Variants in L3HYPDH observed in about 807,000 individuals in gnomAD.
L3HYPDH encodes the protein trans-3-hydroxy-L-proline dehydratase.
L3HYPDH carries 32 observed loss-of-function variants against 26.5 expected under a neutral mutation model. The observed-to-expected ratio is 1.21, with a 90% confidence interval of 0.91 to 1.62. L3HYPDH has a LOEUF of 1.62. Ranked by LOEUF, L3HYPDH falls within the 40% of genes most tolerant of loss-of-function variation. The pLI, the probability that L3HYPDH is intolerant of heterozygous loss-of-function variation, is 0.00. For synonymous variants in L3HYPDH, 215 were observed against 196.6 expected, an observed-to-expected ratio of 1.09 and a Z score of -0.78; for missense variants, 554 against 476.4, an observed-to-expected ratio of 1.16 and a Z score of -1.52.
upstream of L3HYPDH, chr14:59,487,609 T>C (rs1259898261): frequency 8.2e-7 from 1 of 1,215,364 alleles, no homozygotes; most frequent in Non-Finnish European, 1.2e-6. Context: ...TATAGAATGA[T>C]TTGGGGGGGT....
At chr14:59,485,277 T>C (rs1035721430), upstream of L3HYPDH, among the ~76,000 whole-genome samples, 1 of 152,200 alleles carries the variant, frequency 6.6e-6, no homozygotes, top group Non-Finnish European at 1.5e-5. Flanking sequence ...TCTGCATTCT[T>C]GAAAAACCTG....
At chr14:59,473,585 A>C (rs113169469) in intron 4 of L3HYPDH, among the ~76,000 whole-genome samples, 3 of 152,342 alleles carry the variant, frequency 2.0e-5, no homozygotes, top group African/African-American at 7.2e-5. Context: ...GAAGAAAGGA[A>C]GAACTTTTTA....
chr14:59,471,498 T>C (rs1889311453), downstream of L3HYPDH, among the ~76,000 whole-genome samples: 2 of 151,832 alleles, frequency 1.3e-5, no homozygotes, highest in South Asian at 4.2e-4. Context: ...CCTGGTGGAG[T>C]TGATAAAGGG....
At chr14:59,490,796 A>C in the L3HYPDH span, among the ~76,000 whole-genome samples, 22 of 152,326 alleles carry the variant, frequency 1.4e-4, no homozygotes, top group African/African-American at 5.1e-4. Context: ...GACAAAGCTG[A>C]AATAGAATAA....
the L3HYPDH span, chr14:59,500,846 C>A: frequency 6.0e-6 from 1 of 166,768 alleles, no homozygotes; most frequent in Non-Finnish European, 1.3e-5. Flanking sequence ...AATCAAAAGA[C>A]TTATATTTCT....
intron 1 of L3HYPDH, chr14:59,483,447 G>T: frequency 9.2e-7 from 1 of 1,089,810 alleles, no homozygotes; most frequent in Non-Finnish European, 1.1e-6. Flanking sequence ...CTGGAACCCT[G>T]GTACATTGGC....
the L3HYPDH span, among the ~76,000 whole-genome samples, chr14:59,493,246 C>A: frequency 6.6e-6 from 1 of 152,194 alleles, no homozygotes; most frequent in Non-Finnish European, 1.5e-5. Context: ...CTGCAGAGTA[C>A]TGAAAACAAA....
rs778802447 is a variant in L3HYPDH at position 59,476,016 on chromosome 14, A to C, written c.802-10T>G. On this transcript the variant is annotated splice_polypyrimidine_tract_variant and intron_variant, in intron 3 of 4. Transcript: ENST00000247194. Reference sequence around the variant, plus strand: ...TGGGACTTCTGTCAACCTGTTTCAGAATAAATGAAGACAGAATGTTCATAG... The same window carrying C: ...TGGGACTTCTGTCAACCTGTTTCAGCATAAATGAAGACAGAATGTTCATAG... 2 of 1,613,880 alleles carry C rather than the reference A, an allele frequency of 1.2e-6. No individual in the cohort carries two copies.
chr14:59,491,676 G>A, the L3HYPDH span, among the ~76,000 whole-genome samples: 1 of 152,354 alleles, frequency 6.6e-6, no homozygotes, highest in Admixed American at 6.5e-5. Flanking sequence ...GATAAACTAT[G>A]TGAGACATTG....
chr14:59,495,531 TTTTC>T, the L3HYPDH span, among the ~76,000 whole-genome samples: 1 of 152,186 alleles, frequency 6.6e-6, no homozygotes, highest in African/African-American at 2.4e-5. Flanking sequence ...GATTAGTGTT[TTTTC>T]TTTTTTTCTC....
chr14:59,481,676 G>C (rs532828209), intron 1 of L3HYPDH, among the ~76,000 whole-genome samples: 1 of 152,238 alleles, frequency 6.6e-6, no homozygotes, highest in Admixed American at 6.5e-5. Context: ...TCCCCTTCTT[G>C]GAGTTTAGTT....
the L3HYPDH span, among the ~76,000 whole-genome samples, chr14:59,496,941 G>C: frequency 2.0e-5 from 3 of 150,378 alleles, no homozygotes; most frequent in Non-Finnish European, 4.4e-5. Context: ...ATAAATGTAT[G>C]GTCAGACTGG....
chr14:59,474,831 T>C, intron 4 of L3HYPDH: 1 of 246,822 alleles, frequency 4.1e-6, no homozygotes, highest in Non-Finnish European at 7.7e-6. Context: ...TTGTTATTTT[T>C]ATGTTCCATT....
At chr14:59,483,491 T>C (rs1422260781) in intron 1 of L3HYPDH, 2 of 1,289,888 alleles carry the variant, frequency 1.6e-6, no homozygotes, top group East Asian at 3.6e-5. Context: ...CCACCGTACC[T>C]TGCTTTATCC....
At chr14:59,498,934 A>C in the L3HYPDH span, 7 of 1,382,046 alleles carry the variant, frequency 5.1e-6, no homozygotes, top group Non-Finnish European at 6.0e-6. Flanking sequence ...AAAGTCAATG[A>C]AATATATTTA....
At chr14:59,493,896 T>C in the L3HYPDH span, among the ~76,000 whole-genome samples, 1 of 152,068 alleles carries the variant, frequency 6.6e-6, no homozygotes, top group African/African-American at 2.4e-5. Context: ...CACAGACAAT[T>C]ATATATGAAA....
At position 59,479,200 on chromosome 14, in the gene L3HYPDH, T is replaced by C. The variant is rs567349819; in HGVS notation, c.660A>G (p.Thr220=). The C allele has an allele frequency of 6.2e-7, 1 of 1,608,258 alleles. No individual in the cohort carries two copies. Among genetic ancestry groups the C allele is most frequent in the Non-Finnish European group, 8.5e-7 (1 of 1,178,710 alleles). The change falls in exon 2 of 5, where the codon ACA becomes ACG. Residue 220 remains threonine (T), a synonymous_variant. Coordinates refer to ENST00000247194, the MANE Select transcript of L3HYPDH (RefSeq NM_144581.2). The stretch of plus-strand genomic sequence containing the variant: ...TACTGACCTGAGCTTTCACTGCCTC[T>C]GTCACTGCACTCGCTGCATCCACAA... The part of the protein sequence containing the change: ...RDLVDAASAV[T]EAVKAQFKIN...
At chr14:59,495,270 C>G in the L3HYPDH span, 1 of 1,394,910 alleles carries the variant, frequency 7.2e-7, no homozygotes, top group East Asian at 2.3e-5. Flanking sequence ...TTTTAAATCT[C>G]TGAGGATTAT....
chr14:59,491,360 T>C, the L3HYPDH span, among the ~76,000 whole-genome samples: 1 of 152,216 alleles, frequency 6.6e-6, no homozygotes. Context: ...AGAGGAGTTC[T>C]AAAATTGTAT....
Sources: gnomAD v4.1 joint callset for allele counts (sites outside exome capture counted in the v4.1 genomes callset) on GRCh38, gnomAD v4.1.1 for gene constraint, MANE v1.5 for transcripts, NCBI Gene and HGNC (gene_info 2026-07-23, HGNC 2026-07-21) for gene names.